The following PHF14 variants were observed in gnomAD, a reference collection of about 807,000 sequenced individuals.
PHF14 encodes PHD finger protein 14.
PHF14 carries 55 observed loss-of-function variants against 117.9 expected under a neutral mutation model. The ratio of observed to expected loss-of-function variants is 0.47; its 90% confidence interval spans 0.38 to 0.58. The LOEUF is 0.58. Ranked by LOEUF, PHF14 falls within the 20% of genes least tolerant of loss-of-function variation. The pLI is 0.00. For synonymous variants in PHF14, 409 were observed against 368.6 expected (o/e 1.11, Z -1.26); for missense variants, 978 against 1,122.2 (o/e 0.87, Z 1.84).
At chr7:11,116,464 A>G (rs1363424362) in intron 17 of PHF14, among the ~76,000 whole-genome samples, 1 of 152,036 alleles carries the variant, frequency 6.6e-6, no homozygotes, top group Non-Finnish European at 1.5e-5. Context: ...TTTTGCTTTC[A>G]TAGACATTGA....
chr7:11,140,751 T>C (rs921193070), intron 17 of PHF14, among the ~76,000 whole-genome samples: 1 of 152,110 alleles, frequency 6.6e-6, no homozygotes, highest in Non-Finnish European at 1.5e-5. Flanking sequence ...TCTATACTAT[T>C]TATGATAAAA....
chr7:11,110,252 A>G (rs572406441), intron 16 of PHF14: 12 of 152,024 alleles, frequency 7.9e-5, no homozygotes, highest in East Asian at 3.9e-4. Flanking sequence ...TATATGTTCT[A>G]TAAATTTTCC....
At chr7:11,084,549 T>G (rs2906564) in intron 16 of PHF14, among the ~76,000 whole-genome samples, 57,766 of 151,214 alleles carry the variant, frequency 0.38, 11,801 homozygotes, top group East Asian at 0.85. Flanking sequence ...TCAGTAAATA[T>G]AGAACTAAGC....
intron 4 of PHF14, among the ~76,000 whole-genome samples, chr7:11,006,060 G>A (rs1484788904): frequency 6.6e-6 from 1 of 151,942 alleles, no homozygotes; most frequent in African/African-American, 2.4e-5. Context: ...CCAAAGTGCT[G>A]GGATTACAGG....
At chr7:11,014,542 T>C (rs562509167) in intron 5 of PHF14, among the ~76,000 whole-genome samples, 30 of 151,982 alleles carry the variant, frequency 2.0e-4, no homozygotes, top group Admixed American at 3.9e-4. Context: ...GGAAAAATGA[T>C]CTTCATGTTG....
At chr7:11,163,558 C>T (rs990911577) in intron 17 of PHF14, among the ~76,000 whole-genome samples, 7 of 152,212 alleles carry the variant, frequency 4.6e-5, no homozygotes, top group Non-Finnish European at 7.4e-5. Flanking sequence ...ACACACATTT[C>T]GCACTTTACT....
chr7:11,167,856 C>T (rs888861547), intron 17 of PHF14, among the ~76,000 whole-genome samples: 2 of 151,982 alleles, frequency 1.3e-5, no homozygotes, highest in South Asian at 4.2e-4. Context: ...GGTGAAACCC[C>T]GTCTCTACTA....
intron 7 of PHF14, among the ~76,000 whole-genome samples, chr7:11,033,004 G>A (rs1784173901): frequency 6.6e-6 from 1 of 152,050 alleles, no homozygotes; most frequent in East Asian, 1.9e-4. Context: ...TAAAATGGTA[G>A]AACCCACCTC....
At chr7:11,019,747 C>T (rs929965462) in intron 5 of PHF14, among the ~76,000 whole-genome samples, 1 of 151,964 alleles carries the variant, frequency 6.6e-6, no homozygotes, top group Non-Finnish European at 1.5e-5. Context: ...TATTTCTGCT[C>T]TGATCTTTAT....
chr7:11,062,114 AG>A (rs1173574531), intron 16 of PHF14, 29 bp downstream of exon 16: 1 of 1,561,458 alleles, frequency 6.4e-7, no homozygotes. Context: ...CCTTGTCTTT[AG>A]GGGATGAAAG....
At chr7:11,166,978 C>CTA (rs1789221260) in intron 17 of PHF14, among the ~76,000 whole-genome samples, 1 of 152,100 alleles carries the variant, frequency 6.6e-6, no homozygotes, top group African/African-American at 2.4e-5. Context: ...ACTGGCATAT[C>CTA]TATATATATC....
intron 17 of PHF14, among the ~76,000 whole-genome samples, chr7:11,115,041 C>T (rs73277699): frequency 0.056 from 8,486 of 151,952 alleles, 338 homozygotes; most frequent in African/African-American, 0.1. Context: ...TCCCTTATTT[C>T]TTCTTCCATC....
At chr7:10,987,873 G>T (rs1782278399) in intron 3 of PHF14, among the ~76,000 whole-genome samples, 1 of 151,738 alleles carries the variant, frequency 6.6e-6, no homozygotes, top group Non-Finnish European at 1.5e-5. Flanking sequence ...AGATCTAGCT[G>T]GGCGTGGTGG....
chr7:11,035,521 T>G (rs1413399428), intron 7 of PHF14, 119 bp from the exon 8 acceptor site: 3 of 528,866 alleles, frequency 5.7e-6, no homozygotes, highest in Non-Finnish European at 6.2e-6. Flanking sequence ...TTGTAATTTA[T>G]TAGATGTAAC....
At chr7:11,106,599 C>G in intron 16 of PHF14, 1 of 983,826 alleles carries the variant, frequency 1.0e-6, no homozygotes, top group South Asian at 4.7e-5. Flanking sequence ...GTATTTTCTC[C>G]ATCTGTTAAG....
chr7:11,085,706 G>A (rs1477300516), intron 16 of PHF14, among the ~76,000 whole-genome samples: 1 of 151,972 alleles, frequency 6.6e-6, no homozygotes, highest in Non-Finnish European at 1.5e-5. Context: ...TGCGGGAACT[G>A]CAGGTGTGTG....
chr7:10,982,799 A>G lies in PHF14; in HGVS notation c.540A>G (p.Pro180=), dbSNP rs562014939. Residue 180 remains proline (P), a synonymous_variant, in exon 3 of 18, where the codon CCA becomes CCG. Transcript: ENST00000634607. Reference sequence around the variant, plus strand: ...CTACAGAGGAACAAGTCAGCGAGCCAAAAAAATGGAACCTTCGACGAAACC... The same window carrying G: ...CTACAGAGGAACAAGTCAGCGAGCCGAAAAAATGGAACCTTCGACGAAACC... ...TTATEEQVSE[P]KKWNLRRNRP... The G allele has an allele frequency of 3.0e-5, 48 of 1,613,720 alleles. No individual in the cohort carries two copies. The highest frequency in any genetic ancestry group is 2.8e-4 in the Admixed American group (17 of 60,000).
rs201467297 is a variant in PHF14 at position 11,134,215 on chromosome 7, C to CT, written c.2772+22749dup. Reference sequence around the variant, plus strand: ...ATCTAACTTGCTTAGAAACTGAGTACTGCCTGTATTTTCAATTCAAAAAAG... The same window carrying CT: ...ATCTAACTTGCTTAGAAACTGAGTACTTGCCTGTATTTTCAATTCAAAAAAG... On this transcript the variant is annotated intron_variant, in intron 17 of 17. Coordinates refer to ENST00000634607, the MANE Select transcript of PHF14 (RefSeq NM_001007157.2). 7.9e-3 allele frequency among the ~76,000 whole-genome samples: 1,206 copies of CT among 151,910 alleles called. 11 individuals are homozygous for CT. The highest frequency in any genetic ancestry group is 0.028 in the African/African-American group (1,150 of 41,466).
chr7:11,102,302 C>A (rs1179208938), intron 16 of PHF14, among the ~76,000 whole-genome samples: 1 of 151,616 alleles, frequency 6.6e-6, no homozygotes, highest in Non-Finnish European at 1.5e-5. Context: ...TAAAATAGTT[C>A]AATTTTAACC....
Sources: gnomAD v4.1 joint callset for allele counts (sites outside exome capture counted in the v4.1 genomes callset) on GRCh38, gnomAD v4.1.1 for gene constraint, MANE v1.5 for transcripts, NCBI Gene and HGNC (gene_info 2026-07-23, HGNC 2026-07-21) for gene names.